The following RBFOX1 variants were observed in gnomAD, a reference collection of about 807,000 sequenced individuals.
RBFOX1 encodes RNA binding fox-1 homolog 1.
A neutral mutation model predicts 57.7 loss-of-function variants in RBFOX1; 8 were observed. The ratio of observed to expected loss-of-function variants is 0.14; its 90% CI spans 0.08 to 0.25. The LOEUF (loss-of-function observed/expected upper bound fraction) is 0.25, where lower values mean the gene tolerates loss of function less well. RBFOX1 is among the 10% of genes least tolerant of loss of function. The pLI is 1.00. For synonymous variants in RBFOX1, 326 were observed against 222.4 expected (o/e 1.47, Z -4.15); for missense variants, 611 against 548.5 (o/e 1.11, Z -1.14).
chr16:6,697,505 T>C (rs1452339814), intron 3 of RBFOX1, among the ~76,000 whole-genome samples: 1 of 152,214 alleles, frequency 6.6e-6, no homozygotes, highest in Non-Finnish European at 1.5e-5. Flanking sequence ...CAGAATCTAA[T>C]ATCTCCTTAT....
At chr16:7,551,442 T>A (rs532866190) in intron 5 of RBFOX1, among the ~76,000 whole-genome samples, 2 of 152,068 alleles carry the variant, frequency 1.3e-5, no homozygotes, top group Non-Finnish European at 2.9e-5. Flanking sequence ...TAAGGAATAT[T>A]TGGGGCGCAC....
chr16:6,698,619 A>G (rs192041986), intron 3 of RBFOX1, among the ~76,000 whole-genome samples: 20 of 152,308 alleles, frequency 1.3e-4, no homozygotes, highest in East Asian at 7.7e-4. Context: ...CCACTTCTCC[A>G]TCTGTTATTC....
intron 3 of RBFOX1, among the ~76,000 whole-genome samples, chr16:6,806,749 T>G (rs979175293): frequency 7.3e-6 from 1 of 137,040 alleles, no homozygotes; most frequent in Non-Finnish European, 1.7e-5. Context: ...TTTCTCCCTT[T>G]CTTTTTCTAT....
chr16:7,276,992 G>T (rs895068883), intron 4 of RBFOX1, among the ~76,000 whole-genome samples: 1 of 152,150 alleles, frequency 6.6e-6, no homozygotes, highest in Non-Finnish European at 1.5e-5. Flanking sequence ...AATCGTAGAT[G>T]GTATAACTTT....
chr16:5,785,941 C>T (rs1056347318), intron 3 of RBFOX1, among the ~76,000 whole-genome samples: 2 of 152,178 alleles, frequency 1.3e-5, no homozygotes, highest in Admixed American at 1.3e-4. Context: ...AAACCACCCC[C>T]CATTTCCATT....
chr16:5,287,166 A>C (rs2063415888), intron 1 of RBFOX1, among the ~76,000 whole-genome samples: 1 of 152,246 alleles, frequency 6.6e-6, no homozygotes, highest in Non-Finnish European at 1.5e-5. Context: ...TTAGCTAAGC[A>C]TGGTGGCTCA....
downstream of RBFOX1, among the ~76,000 whole-genome samples, chr16:5,603,901 TTC>T (rs908735388): frequency 5.9e-5 from 9 of 152,336 alleles, no homozygotes; most frequent in Middle Eastern, 3.4e-3. Context: ...CTATTATTTT[TTC>T]TCTCTTTCTT....
At position 7,124,252 on chromosome 16, in the gene RBFOX1, T is replaced by A. The variant is rs1189896111; in HGVS notation, c.27+72154T>A. On this transcript the variant is annotated intron_variant, in intron 4 of 15. Coordinates refer to ENST00000550418, the MANE Select transcript of RBFOX1 (RefSeq NM_018723.4). ...AGTTGAAGACTAGCCTGGGCAAAAA[T>A]ATTTTTTAAAAAATTGCCAGGTGTA... is the stretch of plus-strand genomic sequence containing the variant. Among the ~76,000 whole-genome samples, 4 of 151,902 alleles carry A rather than the reference T, an allele frequency of 2.6e-5. No individual in the cohort carries two copies. In the South Asian group the frequency reaches 8.3e-4, roughly 32 times the overall value.
chr16:7,327,344 A>G (rs2064708202), intron 4 of RBFOX1, among the ~76,000 whole-genome samples: 1 of 152,218 alleles, frequency 6.6e-6, no homozygotes, highest in Non-Finnish European at 1.5e-5. Context: ...GAAAATTTGT[A>G]TCGGAGGATG....
chr16:6,176,313 A>ATTTTTTT lies in RBFOX1; in HGVS notation c.-126-140663_-126-140657dup, dbSNP rs34667158. On this transcript the variant is annotated intron_variant, in intron 1 of 15. Coordinates refer to ENST00000550418, the MANE Select transcript of RBFOX1 (RefSeq NM_018723.4). ...GGTGCCCACCGCCATGCCTGACCAA[A>ATTTTTTT]TTTTTTTTTTTTTTTTTTTTTTTTT... 4.1e-4 allele frequency among the ~76,000 whole-genome samples: 39 copies of ATTTTTTT among 95,232 alleles called. 2 individuals are homozygous for ATTTTTTT. Among genetic ancestry groups the ATTTTTTT allele is most frequent in the African/African-American group, 1.8e-3 (39 of 21,636 alleles). 62.5% of individuals were successfully genotyped at this position (95,232 alleles called of 152,430 possible). A position where few individuals can be genotyped will look rare whatever the true frequency, so the allele number is the denominator to read the frequency against.
chr16:6,970,759 C>T (rs2085355618), intron 3 of RBFOX1, among the ~76,000 whole-genome samples: 1 of 152,190 alleles, frequency 6.6e-6, no homozygotes, highest in African/African-American at 2.4e-5. Context: ...TACATTCAGA[C>T]CATAGCCCCC....
chr16:6,234,900 G>T (rs954664099), intron 1 of RBFOX1, among the ~76,000 whole-genome samples: 76 of 152,154 alleles, frequency 5.0e-4, no homozygotes, highest in Admixed American at 2.2e-3. Flanking sequence ...TCCTTGTTTG[G>T]ATATTTGGTT....
At chr16:7,481,924 A>C (rs2064049260) in intron 4 of RBFOX1, among the ~76,000 whole-genome samples, 1 of 152,212 alleles carries the variant, frequency 6.6e-6, no homozygotes, top group Non-Finnish European at 1.5e-5. Context: ...TAATAATTGA[A>C]TGCATTACTG....
intron 14 of RBFOX1, among the ~76,000 whole-genome samples, chr16:7,705,332 C>T (rs1803643204): frequency 6.6e-6 from 1 of 151,934 alleles, no homozygotes; most frequent in South Asian, 2.1e-4. Flanking sequence ...CAGTGAAGCC[C>T]CATATCTACT....
At chr16:7,307,974 C>T (rs371384429) in intron 4 of RBFOX1, among the ~76,000 whole-genome samples, 1 of 152,310 alleles carries the variant, frequency 6.6e-6, no homozygotes, top group African/African-American at 2.4e-5. Flanking sequence ...TAATCTTCCA[C>T]GTTCCAAAGT....
At chr16:5,603,934 C>G (rs981464758), downstream of RBFOX1, among the ~76,000 whole-genome samples, 1 of 147,904 alleles carries the variant, frequency 6.8e-6, no homozygotes, top group Non-Finnish European at 1.5e-5. Flanking sequence ...AAACTATACC[C>G]TCCTATACCC....
intron 3 of RBFOX1, among the ~76,000 whole-genome samples, chr16:5,765,898 A>C (rs1157301156): frequency 1.3e-5 from 2 of 152,208 alleles, no homozygotes; most frequent in Non-Finnish European, 2.9e-5. Flanking sequence ...CTTGGTTGTC[A>C]GTGAGGTATC....
chr16:6,867,521 T>G (rs543377711), intron 3 of RBFOX1, among the ~76,000 whole-genome samples: 38 of 152,036 alleles, frequency 2.5e-4, no homozygotes, highest in African/African-American at 8.9e-4. Context: ...GAGTTCGAGA[T>G]CAGCCTGGCC....
chr16:7,139,412 T>C (rs1370203539), intron 4 of RBFOX1, among the ~76,000 whole-genome samples: 1 of 152,080 alleles, frequency 6.6e-6, no homozygotes, highest in Non-Finnish European at 1.5e-5. Context: ...CTTTTCCTTC[T>C]TGAGTTCAGA....
Sources: allele counts gnomAD v4.1 joint callset (sites outside exome capture counted in the v4.1 genomes callset), GRCh38; gene constraint gnomAD v4.1.1; transcripts MANE v1.5; gene names NCBI Gene and HGNC (gene_info 2026-07-23, HGNC 2026-07-21).